The following RDH13 variants were observed in gnomAD, a reference collection of about 807,000 sequenced individuals.
RDH13 encodes retinol dehydrogenase 13 (all-trans and 9-cis).
Under a neutral mutation model 28.3 loss-of-function variants are expected in RDH13, and 35 were observed. The ratio of observed to expected loss-of-function variants is 1.24; its 90% CI spans 0.95 to 1.64. The LOEUF (loss-of-function observed/expected upper bound fraction) is 1.64. Among genes scored for constraint, RDH13 ranks in the 40% most tolerant of loss-of-function variants. RDH13 has a pLI of 0.00. For synonymous variants in RDH13, 229 were observed against 198.5 expected, an observed-to-expected ratio of 1.15 and a Z score of -1.29; for missense variants, 514 against 446.3, an observed-to-expected ratio of 1.15 and a Z score of -1.37.
At chr19:55,067,864 A>T (rs1407891553), upstream of RDH13, 4 of 130,864 alleles carry the variant, frequency 3.1e-5, no homozygotes, top group African/African-American at 1.2e-4. Context: ...GGGTGCTATC[A>T]ATCTCTCTCT....
chr19:55,053,483 G>A (rs8107337), intron 3 of RDH13, among the ~76,000 whole-genome samples: 22,269 of 151,376 alleles, frequency 0.15, 1,893 homozygotes, highest in African/African-American at 0.23. Context: ...GTGAAACCCC[G>A]TCTCTAGTAA....
intron 3 of RDH13, among the ~76,000 whole-genome samples, chr19:55,055,271 G>A (rs2075593897): frequency 6.6e-6 from 1 of 151,926 alleles, no homozygotes; most frequent in Admixed American, 6.6e-5. Context: ...TCCTGCCTCA[G>A]CACCCTGAGT....
Position 55,048,540 on chromosome 19 carries a change from A to C in RDH13, c.447T>G (p.Gly149=), listed in dbSNP as rs1326475275. ...FEMQFGVNHL[G]HFLLTNLLLD... ...GCAGCAAGTTTGTCAAGAGAAAGTGACCTGGATTAAGGATGATGAAAAGGT... is the reference window on the plus strand; with the variant it reads ...GCAGCAAGTTTGTCAAGAGAAAGTGCCCTGGATTAAGGATGATGAAAAGGT... Residue 149 remains glycine (G), a splice_region_variant and synonymous_variant, in exon 5 of 7, where the codon GGT becomes GGG. Transcript: ENST00000415061. The C allele has an allele frequency of 1.2e-6, 2 of 1,614,162 alleles. No homozygotes were observed. Among genetic ancestry groups the C allele is most frequent in the South Asian group, 2.2e-5 (2 of 91,088 alleles).
upstream of RDH13, among the ~76,000 whole-genome samples, chr19:55,065,609 G>A (rs1176987617): frequency 6.6e-6 from 1 of 151,684 alleles, no homozygotes; most frequent in African/African-American, 2.4e-5. Context: ...CACAGTGGCT[G>A]TTGCACCTCC....
intron 1 of RDH13, among the ~76,000 whole-genome samples, chr19:55,061,493 A>G (rs2075805097): frequency 6.6e-6 from 1 of 151,848 alleles, no homozygotes; most frequent in Admixed American, 6.6e-5. Context: ...TAAGGACCCT[A>G]TAAGACTACA....
intron 1 of RDH13, among the ~76,000 whole-genome samples, chr19:55,061,791 CAA>C (rs60108220): frequency 0.015 from 2,066 of 133,324 alleles, 20 homozygotes; most frequent in South Asian, 0.03. Flanking sequence ...ACCCTGTCTC[CAA>C]AAAAAAAAAA....
chr19:55,056,920 C>A, intron 2 of RDH13, 112 bp from the exon 3 acceptor site: 2 of 939,520 alleles, frequency 2.1e-6, no homozygotes, highest in Non-Finnish European at 3.1e-6. Context: ...ATGTTCACTG[C>A]GGCATTCTTC....
At position 55,053,257 on chromosome 19, in the gene RDH13, A is replaced by G. The variant is rs530345937; in HGVS notation, c.340+3396T>C. 2.0e-5 allele frequency among the ~76,000 whole-genome samples: 3 copies of G among 152,300 alleles called. No homozygotes were observed. The South Asian group carries it at 6.2e-4, about 32-fold the overall frequency. On this transcript the variant is annotated intron_variant, in intron 3 of 6. Coordinates refer to ENST00000415061, the MANE Select transcript of RDH13 (RefSeq NM_001145971.2). ...CCACATAAAATGGACGATCTTCACTATTTTTAAATCCACTGCTGTCTTTAT... is the reference window on the plus strand; with the variant it reads ...CCACATAAAATGGACGATCTTCACTGTTTTTAAATCCACTGCTGTCTTTAT...
intron 1 of RDH13, 55 bp from the exon 2 acceptor site, chr19:55,059,330 C>A: frequency 8.4e-7 from 1 of 1,195,620 alleles, no homozygotes; most frequent in South Asian, 1.3e-5. Context: ...ACCCCACGTG[C>A]CCCTGACTGA....
chr19:55,049,926 C>T (rs1568696917), intron 3 of RDH13, among the ~76,000 whole-genome samples: 1 of 120,850 alleles, frequency 8.3e-6, no homozygotes, highest in Non-Finnish European at 1.9e-5. Flanking sequence ...ACCATCTCCT[C>T]TCTCCCTCTT....
At chr19:55,060,628 C>G (rs1379792663) in intron 1 of RDH13, among the ~76,000 whole-genome samples, 2 of 152,152 alleles carry the variant, frequency 1.3e-5, no homozygotes, top group Non-Finnish European at 2.9e-5. Context: ...TTTCTTTTCT[C>G]AGTCTCTCGT....
At position 55,047,454 on chromosome 19, in the gene RDH13, G is replaced by GC; in HGVS notation, c.692dup (p.Val232ArgfsTer70). 6.2e-7 allele frequency: 1 copy of GC among 1,610,152 alleles called. No homozygotes were observed. The highest frequency in any genetic ancestry group is 8.5e-7 in the Non-Finnish European group (1 of 1,179,908). ...GTCTGCCCAGCTCTGTCCTGGCCAC[G>GC]CCGGGGTGCAGGGCGTTGACAGTCA... On this transcript the variant is annotated frameshift_variant, in exon 6 of 7. Coordinates refer to ENST00000415061, the MANE Select transcript of RDH13 (RefSeq NM_001145971.2). LOFTEE classifies it high-confidence loss of function.
chr19:55,066,624 CTT>C (rs796315953), upstream of RDH13, among the ~76,000 whole-genome samples: 37 of 148,482 alleles, frequency 2.5e-4, no homozygotes, highest in African/African-American at 8.2e-4. Context: ...CTTCTTGTCT[CTT>C]TCTCTCCTCT....
At chr19:55,062,219 G>C (rs1218628734) in intron 1 of RDH13, among the ~76,000 whole-genome samples, 4 of 79,898 alleles carry the variant, frequency 5.0e-5, no homozygotes, top group Non-Finnish European at 1.1e-4. Flanking sequence ...ACCCCTCTAC[G>C]GAGTCACGAC....
chr19:55,047,328 G>T, intron 6 of RDH13, 59 bp downstream of exon 6: 2 of 1,579,568 alleles, frequency 1.3e-6, no homozygotes. Context: ...TGGGCCCTGG[G>T]CTGAGAAAGC....
At chr19:55,065,102 T>C (rs1022016690), upstream of RDH13, among the ~76,000 whole-genome samples, 2 of 151,172 alleles carry the variant, frequency 1.3e-5, no homozygotes, top group Middle Eastern at 3.2e-3. Flanking sequence ...AGAAAAATTT[T>C]AGACTGGGCA....
chr19:55,048,693 G>A lies in RDH13; in HGVS notation c.411C>T (p.Asp137=), dbSNP rs368532896. ...TAACGCCAAACTGCATCTCGAAGCC[G>A]TCCTCGGTGGTCCAGTGGGGGCACC... The part of the protein sequence containing the change: ...VMRCPHWTTE[D]GFEMQFGVNH... The change falls in exon 4 of 7, where the codon GAC becomes GAT. Residue 137 remains aspartate (D), a synonymous_variant. Coordinates refer to ENST00000415061, the MANE Select transcript of RDH13 (RefSeq NM_001145971.2). 3.5e-5 allele frequency: 57 copies of A among 1,613,848 alleles called. No individual in the cohort carries two copies. Among genetic ancestry groups the A allele is most frequent in the Middle Eastern group, 1.6e-4 (1 of 6,084 alleles).
intron 3 of RDH13, among the ~76,000 whole-genome samples, chr19:55,051,563 G>A (rs1419908536): frequency 6.6e-6 from 1 of 151,484 alleles, no homozygotes; most frequent in East Asian, 1.9e-4. Flanking sequence ...CCCGAGTACT[G>A]GGATTACAGG....
chr19:55,047,239 G>A (rs1282807082), intron 6 of RDH13, 148 bp downstream of exon 6: 2 of 1,426,184 alleles, frequency 1.4e-6, no homozygotes, highest in Non-Finnish European at 1.8e-6. Context: ...CGGAGGAAAG[G>A]GACCTGTGCT....
Sources: gnomAD v4.1 joint callset for allele counts (sites outside exome capture counted in the v4.1 genomes callset) on GRCh38, gnomAD v4.1.1 for gene constraint, MANE v1.5 for transcripts, NCBI Gene and HGNC (gene_info 2026-07-23, HGNC 2026-07-21) for gene names.